The following PITPNM3 variants were observed in gnomAD, a reference collection of about 807,000 sequenced individuals.
The protein encoded by PITPNM3 is PITPNM family member 3, also known as membrane-associated phosphatidylinositol transfer protein 3.
Under a neutral mutation model 102.0 loss-of-function variants are expected in PITPNM3, and 26 were observed. That is an observed-to-expected ratio of 0.25 (90% CI 0.19 to 0.35). The LOEUF (loss-of-function observed/expected upper bound fraction) is 0.35. Ranked by LOEUF, PITPNM3 falls within the 10% of genes least tolerant of loss-of-function variation. PITPNM3 has a pLI of 1.00. For missense variants in PITPNM3, 1,083 were observed against 1,346.1 expected, an observed-to-expected ratio of 0.80 and a Z score of 3.06; for synonymous variants, 578 against 558.6, an observed-to-expected ratio of 1.03 and a Z score of -0.49.
In PITPNM3 at chr17:6,469,934, C is replaced by G. The variant is rs1020071817; in HGVS notation, c.1773+326G>C. Among the ~76,000 whole-genome samples the G allele has an allele frequency of 1.3e-5, 2 of 152,162 alleles. No individual in the cohort carries two copies. The highest frequency in any genetic ancestry group is 2.9e-5 in the Non-Finnish European group (2 of 68,024). On this transcript the variant is annotated intron_variant, in intron 13 of 19. Coordinates refer to ENST00000262483, the MANE Select transcript of PITPNM3 (RefSeq NM_031220.4). The surrounding 1 kb of genome is among the most constrained non-coding windows in gnomAD (Gnocchi z 4.0). ...TCTGCTATACCTTCTGTTTTGCAGACGAGGACATTGAGACTCAGTGGGGAG... is the reference window on the plus strand; with the variant it reads ...TCTGCTATACCTTCTGTTTTGCAGAGGAGGACATTGAGACTCAGTGGGGAG...
intron 2 of PITPNM3, among the ~76,000 whole-genome samples, chr17:6,528,947 A>C (rs1908993544): frequency 6.6e-6 from 1 of 152,102 alleles, no homozygotes; most frequent in Non-Finnish European, 1.5e-5. Flanking sequence ...CTCCAACAGG[A>C]CCTGTGGAGG....
chr17:6,470,515 G>T lies in PITPNM3; in HGVS notation c.1625-107C>A. 2 of 1,492,410 alleles carry T rather than the reference G, an allele frequency of 1.3e-6. No homozygotes were observed. The highest frequency in any genetic ancestry group is 1.9e-6 in the Non-Finnish European group (2 of 1,079,338). The allele number at this position is 1,492,410 out of a possible 1,614,324, so 92.4% of individuals were successfully genotyped here. A position where few individuals can be genotyped will look rare whatever the true frequency, so the allele number is the denominator to read the frequency against. ...ACTGGTGGTGGATGCCCCACGTGGG[G>T]CACGGGTTTGGGCGGGAGCACCCTG... On this transcript the variant is annotated intron_variant, in intron 12 of 19. Coordinates refer to ENST00000262483, the MANE Select transcript of PITPNM3 (RefSeq NM_031220.4). This position sits in a 1 kb window ranked among gnomAD's most constrained non-coding sequence, Gnocchi z 4.8.
intron 1 of PITPNM3, among the ~76,000 whole-genome samples, chr17:6,552,762 C>CTTTTTTTTTTT (rs34225911): frequency 4.3e-4 from 38 of 89,010 alleles, no homozygotes; most frequent in Non-Finnish European, 5.2e-4. Flanking sequence ...CTTTCTTTTT[C>CTTTTTTTTTTT]TTTTTTTTTT....
chr17:6,485,002 G>C (rs867391546), intron 4 of PITPNM3, among the ~76,000 whole-genome samples: 1 of 152,010 alleles, frequency 6.6e-6, no homozygotes, highest in Non-Finnish European at 1.5e-5. Context: ...TTTCTCCCCC[G>C]GTTCTCTGGC....
chr17:6,552,879 G>T (rs919212671), intron 1 of PITPNM3, among the ~76,000 whole-genome samples: 1 of 147,924 alleles, frequency 6.8e-6, no homozygotes, highest in African/African-American at 2.5e-5. Context: ...CCATTCTCTC[G>T]CCTCAGCCTC....
Position 6,465,234 on chromosome 17 carries a change from T to G in PITPNM3, c.1891-463A>C, listed in dbSNP as rs1480710801. On this transcript the variant is annotated intron_variant, in intron 14 of 19. Coordinates refer to ENST00000262483, the MANE Select transcript of PITPNM3 (RefSeq NM_031220.4). ...GCTAATGTCATATTTTTAGTAGAGA[T>G]GGGGTTTCTCCGTGTTGATCAGGCT... Among the ~76,000 whole-genome samples, 2 of 152,146 alleles carry G rather than the reference T, an allele frequency of 1.3e-5. 1 individual carries two copies. The highest frequency in any genetic ancestry group is 4.8e-5 in the African/African-American group (2 of 41,428).
At chr17:6,551,714 GA>G (rs1366540692) in intron 1 of PITPNM3, among the ~76,000 whole-genome samples, 5 of 150,230 alleles carry the variant, frequency 3.3e-5, no homozygotes, top group Non-Finnish European at 5.9e-5. Flanking sequence ...CCATCGTTAT[GA>G]AAAAAAAAGT....
At chr17:6,498,174 C>T (rs1431163052) in intron 4 of PITPNM3, among the ~76,000 whole-genome samples, 1 of 152,232 alleles carries the variant, frequency 6.6e-6, no homozygotes, top group East Asian at 1.9e-4. Context: ...ATGAATGGAG[C>T]CACAAGGGCA....
intron 3 of PITPNM3, among the ~76,000 whole-genome samples, chr17:6,507,921 GTGGGGAGGTGGGAAAGT>G (rs1371860566): frequency 6.6e-6 from 1 of 152,088 alleles, no homozygotes; most frequent in Non-Finnish European, 1.5e-5. Flanking sequence ...ATGTCCAGAG[GTGGGGAGGTGGGAAAGT>G]TGGGGAGGTG....
At position 6,468,850 on chromosome 17, in the gene PITPNM3, A is replaced by G. The variant is rs1248476589; in HGVS notation, c.1774-509T>C. On this transcript the variant is annotated intron_variant, in intron 13 of 19. Transcript: ENST00000262483. This position sits in a 1 kb window ranked among gnomAD's most constrained non-coding sequence, Gnocchi z 5.2. ...TCCTCATGCCTCTCCAGTGACCGCC[A>G]CATCCCTGCTGTCCCTCACAGCAGC... 6.6e-6 allele frequency among the ~76,000 whole-genome samples: 1 copy of G among 152,090 alleles called. No homozygotes were observed. Among genetic ancestry groups the G allele is most frequent in the Admixed American group, 6.5e-5 (1 of 15,270 alleles).
chr17:6,463,652 A>G lies in PITPNM3; in HGVS notation c.2306+80T>C, dbSNP rs184076556. On this transcript the variant is annotated intron_variant, in intron 17 of 19. Transcript: ENST00000262483. ...ACCGGTAGAATTCCTACAGCAAATC[A>G]GAAAAACAACATATTTCCCCCAGGG... 4.2e-5 allele frequency: 65 copies of G among 1,540,034 alleles called. No homozygotes were observed. In the African/African-American group the frequency reaches 6.4e-4, roughly 15 times the overall value.
At chr17:6,473,128 C>A (rs7219563) in intron 10 of PITPNM3, 143,800 of 441,896 alleles carry the variant, frequency 0.33, 25,195 homozygotes, top group Middle Eastern at 0.41. Flanking sequence ...CCCTCCCTCC[C>A]CCATTTCCAC....
At position 6,468,962 on chromosome 17, in the gene PITPNM3, T is replaced by A. The variant is rs377473268; in HGVS notation, c.1774-621A>T. Among the ~76,000 whole-genome samples the A allele has an allele frequency of 2.0e-5, 3 of 152,046 alleles. No homozygotes were observed. Among genetic ancestry groups the A allele is most frequent in the East Asian group, 3.9e-4 (2 of 5,146 alleles). On this transcript the variant is annotated intron_variant, in intron 13 of 19. Coordinates refer to ENST00000262483, the MANE Select transcript of PITPNM3 (RefSeq NM_031220.4). The surrounding 1 kb of genome is among the most constrained non-coding windows in gnomAD (Gnocchi z 5.2). ...CCACTCCAGTCAGGGTTCTTCTCCATCACTCCTCTACGGAAGCCATTCTTG... is the reference window on the plus strand; with the variant it reads ...CCACTCCAGTCAGGGTTCTTCTCCAACACTCCTCTACGGAAGCCATTCTTG...
At position 6,456,666 on chromosome 17, in the gene PITPNM3, G is replaced by A. The variant is rs189893283; in HGVS notation, c.2619+928C>T. ...GCCTCTGAGTTCCCAACTGGGAGAC[G>A]CCACCATCTCCTGACCCTCTACCCG... On this transcript the variant is annotated intron_variant, in intron 19 of 19. Transcript: ENST00000262483. Among the ~76,000 whole-genome samples, 355 of 152,228 alleles carry A rather than the reference G, an allele frequency of 2.3e-3. 2 individuals are homozygous for A. Among genetic ancestry groups the A allele is most frequent in the African/African-American group, 7.9e-3 (330 of 41,522 alleles).
chr17:6,529,004 C>T (rs547187535), intron 2 of PITPNM3, among the ~76,000 whole-genome samples: 1 of 130,580 alleles, frequency 7.7e-6, no homozygotes, highest in Non-Finnish European at 1.7e-5. Flanking sequence ...TTTTGCTTTT[C>T]ACCTTCTGAT....
chr17:6,470,143 T>C lies in PITPNM3; in HGVS notation c.1773+117A>G. The C allele has an allele frequency of 8.1e-7, 1 of 1,233,840 alleles. No individual in the cohort carries two copies. Among genetic ancestry groups the C allele is most frequent in the Non-Finnish European group, 1.1e-6 (1 of 873,618 alleles). The allele number at this position is 1,233,840 out of a possible 1,614,324, so 76.4% of individuals were successfully genotyped here. ...TGCTCCAATGCCTTCCTCATGCTCT[T>C]AGGATCAAGGCCAAAAGCTGAACAG... On this transcript the variant is annotated intron_variant, in intron 13 of 19. Transcript: ENST00000262483. The surrounding 1 kb of genome is among the most constrained non-coding windows in gnomAD (Gnocchi z 4.8).
At chr17:6,511,686 GA>G (rs1907871174) in intron 3 of PITPNM3, among the ~76,000 whole-genome samples, 1 of 152,190 alleles carries the variant, frequency 6.6e-6, no homozygotes, top group Admixed American at 6.5e-5. Flanking sequence ...AGCCTGCAAA[GA>G]AAGGTCTGTG....
intron 9 of PITPNM3, 33 bp from the exon 10 acceptor site, chr17:6,474,637 G>T: frequency 1.9e-6 from 3 of 1,545,742 alleles, no homozygotes; most frequent in Non-Finnish European, 2.6e-6. Flanking sequence ...GGCAGGGCAG[G>T]TCAGGGAAGG....
intron 1 of PITPNM3, among the ~76,000 whole-genome samples, chr17:6,552,260 A>C (rs1910350977): frequency 6.6e-6 from 1 of 151,998 alleles, no homozygotes. Flanking sequence ...GAGAGGTGCC[A>C]AGACCCTCTA....
Sources: allele counts gnomAD v4.1 joint callset (sites outside exome capture counted in the v4.1 genomes callset), GRCh38; gene constraint gnomAD v4.1.1; non-coding constraint Gnocchi (gnomAD v3.1); transcripts MANE v1.5; gene names NCBI Gene and HGNC (gene_info 2026-07-23, HGNC 2026-07-21).